Variants in CDH13 observed in about 807,000 individuals in gnomAD.
The protein encoded by CDH13 is cadherin 13.
CDH13 carries 24 observed loss-of-function variants against 63.8 expected under a neutral mutation model. The ratio of observed to expected loss-of-function variants is 0.38; its 90% CI spans 0.27 to 0.53. The LOEUF is 0.53. Among genes scored for constraint, CDH13 ranks in the 20% least tolerant of loss-of-function variants. The pLI is 0.85. For missense variants in CDH13, 1,049 were observed against 903.1 expected (o/e 1.16, Z -2.07); for synonymous variants, 503 against 355.3 (o/e 1.42, Z -4.67).
chr16:83,344,926 T>C lies in CDH13; in HGVS notation c.701T>C (p.Ile234Thr), dbSNP rs752994642. 1.2e-6 allele frequency: 2 copies of C among 1,614,022 alleles called. No individual in the cohort carries two copies. Among genetic ancestry groups the C allele is most frequent in the South Asian group, 2.2e-5 (2 of 91,090 alleles). ...TLEGPVPLEV[I>T]VIDQNDNRPI... ...GAGGGGCCGGTGCCTCTGGAAGTCA[T>C]TGTGATTGATCAGAATGACAACCGA... The change falls in exon 6 of 14, where the codon ATT (isoleucine) becomes ACT (threonine). Residue 234 changes from isoleucine to threonine, a missense_variant. Ile to Thr is a moderately conservative substitution (Grantham distance 89). Transcript: ENST00000567109.
chr16:83,262,772 G>C (rs1463948050), intron 5 of CDH13, among the ~76,000 whole-genome samples: 1 of 152,184 alleles, frequency 6.6e-6, no homozygotes, highest in Admixed American at 6.5e-5. Context: ...TACCAACAGT[G>C]TTTCTTTGGC....
intron 10 of CDH13, among the ~76,000 whole-genome samples, chr16:83,683,251 G>A (rs550703217): frequency 1.3e-5 from 2 of 152,322 alleles, no homozygotes; most frequent in East Asian, 3.9e-4. Flanking sequence ...CAGTGGTCTA[G>A]TGACAGATGA....
intron 3 of CDH13, among the ~76,000 whole-genome samples, chr16:83,064,152 T>C (rs917585987): frequency 1.3e-5 from 2 of 152,070 alleles, no homozygotes; most frequent in African/African-American, 2.4e-5. Flanking sequence ...GGGCAGACCA[T>C]GAGGTCAGGA....
intron 7 of CDH13, among the ~76,000 whole-genome samples, chr16:83,488,600 C>T (rs1030490616): frequency 6.6e-6 from 1 of 151,804 alleles, no homozygotes. Context: ...CTTTCCAACC[C>T]TCCCTATTTT....
intron 1 of CDH13, among the ~76,000 whole-genome samples, chr16:82,799,428 C>A (rs575413445): frequency 6.6e-6 from 1 of 152,210 alleles, no homozygotes; most frequent in Admixed American, 6.5e-5. Flanking sequence ...ACCCTAATTT[C>A]TAGACATACT....
At chr16:83,358,449 C>A (rs189714090) in intron 6 of CDH13, among the ~76,000 whole-genome samples, 1 of 152,248 alleles carries the variant, frequency 6.6e-6, no homozygotes, top group East Asian at 1.9e-4. Flanking sequence ...CTGTTGCCTG[C>A]GGAATGCCAT....
At chr16:83,729,887 A>G in intron 10 of CDH13, among the ~76,000 whole-genome samples, 1 of 152,242 alleles carries the variant, frequency 6.6e-6, no homozygotes. Flanking sequence ...CCTGTGAAAA[A>G]GAAGGGTTTG....
At chr16:83,025,031 G>C (rs927342182) in intron 2 of CDH13, among the ~76,000 whole-genome samples, 3 of 152,182 alleles carry the variant, frequency 2.0e-5, no homozygotes, top group Non-Finnish European at 2.9e-5. Flanking sequence ...AATGACAGAG[G>C]AGGAGGTAGA....
chr16:83,448,862 A>C (rs1421620866), intron 6 of CDH13, among the ~76,000 whole-genome samples: 1 of 152,204 alleles, frequency 6.6e-6, no homozygotes, highest in Admixed American at 6.5e-5. Flanking sequence ...TTTCTGAGCA[A>C]AGGTCACAGG....
intron 2 of CDH13, among the ~76,000 whole-genome samples, chr16:82,885,983 A>T (rs1000583344): frequency 5.3e-5 from 8 of 152,166 alleles, no homozygotes; most frequent in Admixed American, 2.6e-4. Context: ...AGTTTTCAAG[A>T]TCTGGTGAGA....
chr16:83,315,644 A>G (rs577318733), intron 5 of CDH13, among the ~76,000 whole-genome samples: 98 of 150,386 alleles, frequency 6.5e-4, no homozygotes, highest in African/African-American at 2.2e-3. Context: ...CTGGATTTAA[A>G]AAAAAAAAAC....
At position 82,677,360 on chromosome 16, in the gene CDH13, A is replaced by T. The variant is rs560449043; in HGVS notation, c.45+50223A>T. 2.9e-3 allele frequency among the ~76,000 whole-genome samples: 442 copies of T among 151,696 alleles called. 2 individuals are homozygous for T. The highest frequency in any genetic ancestry group is 0.01 in the African/African-American group (426 of 41,334). On this transcript the variant is annotated intron_variant, in intron 1 of 13. Transcript: ENST00000567109. ...TCTTCTTCCTAGCCCAGGTGTTTAC[A>T]ATTCCCATTTATTTATGGGGAATAT... is the stretch of plus-strand genomic sequence containing the variant.
intron 4 of CDH13, among the ~76,000 whole-genome samples, chr16:83,152,047 C>G (rs1329475877): frequency 2.0e-5 from 3 of 151,926 alleles, no homozygotes; most frequent in Non-Finnish European, 4.4e-5. Flanking sequence ...AGTCTATAAC[C>G]ATTGACTTTT....
At chr16:83,677,478 T>C (rs1348097823) in intron 9 of CDH13, among the ~76,000 whole-genome samples, 1 of 149,732 alleles carries the variant, frequency 6.7e-6, no homozygotes, top group Non-Finnish European at 1.5e-5. Flanking sequence ...TCGAGTCAAT[T>C]GAAAATGCTC....
intron 6 of CDH13, among the ~76,000 whole-genome samples, chr16:83,347,578 T>G (rs147847329): frequency 1.5e-3 from 228 of 152,278 alleles, no homozygotes; most frequent in African/African-American, 5.3e-3. Context: ...ATGTACAACA[T>G]CATTTCATCC....
At chr16:82,668,168 G>C (rs1912826529) in intron 1 of CDH13, among the ~76,000 whole-genome samples, 1 of 152,024 alleles carries the variant, frequency 6.6e-6, no homozygotes, top group Admixed American at 6.5e-5. Flanking sequence ...ACAGACCATG[G>C]GCTTGTAGCT....
chr16:83,171,342 A>G (rs2037908034), intron 4 of CDH13, among the ~76,000 whole-genome samples: 1 of 152,138 alleles, frequency 6.6e-6, no homozygotes, highest in Admixed American at 6.6e-5. Context: ...TAAACCATTC[A>G]TGGAGGATGC....
chr16:83,438,264 C>G (rs953324535), intron 6 of CDH13, among the ~76,000 whole-genome samples: 1 of 152,192 alleles, frequency 6.6e-6, no homozygotes, highest in Non-Finnish European at 1.5e-5. Flanking sequence ...CTCCATCACC[C>G]CAACTGCAGG....
chr16:82,921,643 G>A (rs1427139273), intron 2 of CDH13, among the ~76,000 whole-genome samples: 1 of 152,158 alleles, frequency 6.6e-6, no homozygotes, highest in Non-Finnish European at 1.5e-5. Context: ...ATTAAATATA[G>A]CTTGCAAATA....
Sources: gnomAD v4.1 joint callset for allele counts (sites outside exome capture counted in the v4.1 genomes callset) on GRCh38, gnomAD v4.1.1 for gene constraint, MANE v1.5 for transcripts, NCBI Gene and HGNC (gene_info 2026-07-23, HGNC 2026-07-21) for gene names.